Variants in WNK2 observed in about 807,000 individuals in gnomAD.
The protein encoded by WNK2 is serine/threonine-protein kinase WNK2.
In WNK2, 67 loss-of-function variants were observed where a neutral mutation model predicts 192.1. The ratio of observed to expected loss-of-function variants is 0.35; its 90% CI spans 0.29 to 0.43. The LOEUF (loss-of-function observed/expected upper bound fraction) is 0.43, where lower values mean the gene tolerates loss of function less well. Ranked by LOEUF, WNK2 falls within the 20% of genes least tolerant of loss-of-function variation. The pLI is 1.00. For synonymous variants in WNK2, 1,439 were observed against 1,393.9 expected (o/e 1.03, Z -0.72); for missense variants, 2,698 against 3,089.7 (o/e 0.87, Z 3.01).
intron 2 of WNK2, among the ~76,000 whole-genome samples, chr9:93,203,618 G>A (rs1832874820): frequency 6.6e-6 from 1 of 152,184 alleles, no homozygotes; most frequent in Admixed American, 6.5e-5. Context: ...ATGGGATTAA[G>A]TTAAGTATCT....
intron 4 of WNK2, among the ~76,000 whole-genome samples, chr9:93,231,830 C>G (rs1266094605): frequency 6.6e-6 from 1 of 152,220 alleles, no homozygotes; most frequent in African/African-American, 2.4e-5. Flanking sequence ...TTTGCAGAGA[C>G]CAGGGGTCTG....
rs34758729 is a variant in WNK2 at position 93,261,985 on chromosome 9, G to C, written c.3238G>C (p.Val1080Leu). The C allele has an allele frequency of 6.2e-7, 1 of 1,611,724 alleles. No individual in the cohort carries two copies. The highest frequency in any genetic ancestry group is 1.3e-5 in the African/African-American group (1 of 74,920). The change falls in exon 13 of 30, where the codon GTG becomes CTG. Residue 1080 changes from valine (V) to leucine (L), a missense_variant. Val to Leu is a conservative substitution (Grantham distance 32). Coordinates refer to ENST00000427277, the MANE Select transcript of WNK2 (RefSeq NM_006648.4). Reference protein sequence around the residue: ...PSSLATVSASVQSVPTQTATL... With the variant: ...PSSLATVSASLQSVPTQTATL... The stretch of plus-strand genomic sequence containing the variant: ...CTCCCTGGCCACGGTGTCTGCCTCT[G>C]TGCAGAGTGTGCCCACCCAGACTGC...
At chr9:93,205,812 G>A (rs1833268515) in intron 2 of WNK2, among the ~76,000 whole-genome samples, 1 of 152,194 alleles carries the variant, frequency 6.6e-6, no homozygotes. Flanking sequence ...AGGGTCCTCC[G>A]AATGTCTTGC....
chr9:93,191,138 T>A (rs1564262440), intron 2 of WNK2, among the ~76,000 whole-genome samples: 1 of 151,632 alleles, frequency 6.6e-6, no homozygotes, highest in Non-Finnish European at 1.5e-5. Flanking sequence ...CAAGACAAGC[T>A]CCAGGTCAGC....
intron 2 of WNK2, among the ~76,000 whole-genome samples, chr9:93,200,698 G>T (rs1832183414): frequency 6.6e-6 from 1 of 152,190 alleles, no homozygotes; most frequent in South Asian, 2.1e-4. Flanking sequence ...TCTGGATTGG[G>T]TGACTTAGAG....
At chr9:93,265,658 C>T (rs1309643556) in intron 16 of WNK2, among the ~76,000 whole-genome samples, 1 of 152,254 alleles carries the variant, frequency 6.6e-6, no homozygotes, top group Admixed American at 6.5e-5. Context: ...GTGTTTCAAA[C>T]ATGATAAAGC....
chr9:93,267,956 C>G (rs756522615), intron 17 of WNK2, 40 bp downstream of exon 17: 4 of 1,609,676 alleles, frequency 2.5e-6, no homozygotes, highest in African/African-American at 1.3e-5. Flanking sequence ...GGTGAGAGTG[C>G]AGTGGCTGGG....
rs1563996934 is a variant in WNK2 at position 93,211,199 on chromosome 9, CATTTACTCAT to C, written c.682-18496_682-18487del. Among the ~76,000 whole-genome samples, 153 of 151,600 alleles carry C rather than the reference CATTTACTCAT, an allele frequency of 1.0e-3. No homozygotes were observed. The Middle Eastern group carries it at 0.01, about 10-fold the overall frequency. On this transcript the variant is annotated intron_variant, in intron 2 of 29. Coordinates refer to ENST00000427277, the MANE Select transcript of WNK2 (RefSeq NM_006648.4). ...ACATCCACTCATTCACACACTCACA[CATTTACTCAT>C]TCAATCACTCATCCACTCACTCACT...
chr9:93,255,548 G>A (rs1186312256), intron 9 of WNK2, among the ~76,000 whole-genome samples: 1 of 152,160 alleles, frequency 6.6e-6, no homozygotes. Flanking sequence ...CAAGTGAGGA[G>A]GGCAGTTTTG....
intron 2 of WNK2, among the ~76,000 whole-genome samples, chr9:93,205,808 C>T (rs541919911): frequency 6.6e-6 from 1 of 152,208 alleles, no homozygotes; most frequent in South Asian, 2.1e-4. Context: ...GTGCAGGGTC[C>T]TCCGAATGTC....
chr9:93,297,079 TCTCGGCTTCCTCCC>T (rs1477253725), intron 23 of WNK2, among the ~76,000 whole-genome samples: 58 of 115,224 alleles, frequency 5.0e-4, no homozygotes, highest in Non-Finnish European at 7.3e-4. Flanking sequence ...CACATCCTCT[TCTCGGCTTCCTCCC>T]CTCGGCTTCC....
chr9:93,288,737 A>G (rs763337169), intron 19 of WNK2, 51 bp from the exon 20 acceptor site: 6 of 1,508,380 alleles, frequency 4.0e-6, no homozygotes, highest in Non-Finnish European at 4.5e-6. Flanking sequence ...AGAAACAGGT[A>G]GATAGGACTG....
At chr9:93,303,689 G>A (rs1851999335) in intron 26 of WNK2, among the ~76,000 whole-genome samples, 1 of 152,230 alleles carries the variant, frequency 6.6e-6, no homozygotes. Context: ...TGGGCTGTCT[G>A]TGGAGCAGGC....
intron 19 of WNK2, among the ~76,000 whole-genome samples, chr9:93,275,519 C>T (rs1051806774): frequency 6.6e-6 from 1 of 152,082 alleles, no homozygotes; most frequent in South Asian, 2.1e-4. Flanking sequence ...ATATTTAGAC[C>T]AAATGTGTTC....
At position 93,259,601 on chromosome 9, in the gene WNK2, C is replaced by T; in HGVS notation, c.3053C>T (p.Thr1018Ile). Residue 1018 changes from threonine to isoleucine, a missense_variant, in exon 12 of 30, where the codon ACA becomes ATA. By Grantham distance (89) the Thr-to-Ile change is moderately conservative. Coordinates refer to ENST00000427277, the MANE Select transcript of WNK2 (RefSeq NM_006648.4). This position sits in a 1 kb window ranked among gnomAD's most constrained non-coding sequence, Gnocchi z 4.8. The stretch of plus-strand genomic sequence containing the variant: ...CCTGAACAAGCTGCTCCAGCTGCTA[C>T]ACCAGGGAGCCAGGTAATCACCTGC... ...HLPEQAAPAATPGSQILLGHP... is the reference protein window; with the variant it reads ...HLPEQAAPAAIPGSQILLGHP... The T allele has an allele frequency of 6.3e-7, 1 of 1,586,150 alleles. No individual in the cohort carries two copies. Among genetic ancestry groups the T allele is most frequent in the Non-Finnish European group, 8.5e-7 (1 of 1,173,772 alleles).
intron 2 of WNK2, among the ~76,000 whole-genome samples, chr9:93,202,946 AT>A (rs1178181671): frequency 1.3e-5 from 2 of 152,054 alleles, no homozygotes; most frequent in Admixed American, 1.3e-4. Context: ...ATCTAAGGCC[AT>A]TTGCGAGGCA....
chr9:93,239,030 A>T lies in WNK2; in HGVS notation c.1322+709A>T, dbSNP rs887831251. Among the ~76,000 whole-genome samples, 5 of 152,328 alleles carry T rather than the reference A, an allele frequency of 3.3e-5. No homozygotes were observed. The highest frequency in any genetic ancestry group is 1.2e-4 in the African/African-American group (5 of 41,572). ...ACACACAGAGGAAGCCAGGCCCCAA[A>T]GAGTGCGTGCTGTGTGGTTCCATTT... is the stretch of plus-strand genomic sequence containing the variant. On this transcript the variant is annotated intron_variant, in intron 6 of 29. Coordinates refer to ENST00000427277, the MANE Select transcript of WNK2 (RefSeq NM_006648.4). This position sits in a 1 kb window ranked among gnomAD's most constrained non-coding sequence, Gnocchi z 4.2.
chr9:93,282,628 G>A (rs988019039), intron 19 of WNK2, among the ~76,000 whole-genome samples: 1 of 152,064 alleles, frequency 6.6e-6, no homozygotes, highest in Non-Finnish European at 1.5e-5. Context: ...GATTCAACTG[G>A]CCAGGAAGAT....
At chr9:93,311,613 T>TGTGTGTG (rs1853656307) in intron 28 of WNK2, among the ~76,000 whole-genome samples, 1 of 146,076 alleles carries the variant, frequency 6.8e-6, no homozygotes, top group African/African-American at 2.5e-5. Context: ...GTTTTTTTGT[T>TGTGTGTG]TGTGTGTGTG....
Sources: allele counts gnomAD v4.1 joint callset (sites outside exome capture counted in the v4.1 genomes callset), GRCh38; gene constraint gnomAD v4.1.1; non-coding constraint Gnocchi (gnomAD v3.1); transcripts MANE v1.5; gene names NCBI Gene and HGNC (gene_info 2026-07-23, HGNC 2026-07-21).